The following PRELID2 variants were observed in gnomAD, a reference collection of about 807,000 sequenced individuals.
The protein encoded by PRELID2 is PRELI domain containing 2.
Under a neutral mutation model 28.4 loss-of-function variants are expected in PRELID2, and 25 were observed. That is an observed-to-expected ratio of 0.88 (90% CI 0.64 to 1.23). The LOEUF is 1.23. PRELID2 is among the 50% of genes most tolerant of loss of function. The pLI is 0.00. For synonymous variants in PRELID2, 76 were observed against 71.6 expected, an observed-to-expected ratio of 1.06 and a Z score of -0.31; for missense variants, 201 against 214.4, an observed-to-expected ratio of 0.94 and a Z score of 0.39.
chr5:145,372,281 C>T, the PRELID2 span, among the ~76,000 whole-genome samples: 1 of 152,030 alleles, frequency 6.6e-6, no homozygotes, highest in Non-Finnish European at 1.5e-5. Context: ...ATCCTGAGTT[C>T]TAATTTTATT....
the PRELID2 span, among the ~76,000 whole-genome samples, chr5:145,393,231 C>G: frequency 6.6e-6 from 1 of 152,100 alleles, no homozygotes; most frequent in African/African-American, 2.4e-5. Flanking sequence ...GAGTAAAGGC[C>G]AACACCATGA....
the PRELID2 span, among the ~76,000 whole-genome samples, chr5:145,295,507 T>C: frequency 6.6e-6 from 1 of 152,282 alleles, no homozygotes; most frequent in East Asian, 1.9e-4. Context: ...AAATTGATTG[T>C]AGATTTCATG....
the PRELID2 span, among the ~76,000 whole-genome samples, chr5:145,406,882 T>C: frequency 6.6e-6 from 1 of 152,132 alleles, no homozygotes; most frequent in South Asian, 2.1e-4. Context: ...GAGTGAAATA[T>C]AAAAGTAGAA....
At chr5:145,383,807 C>T in the PRELID2 span, among the ~76,000 whole-genome samples, 1 of 151,552 alleles carries the variant, frequency 6.6e-6, no homozygotes, top group Admixed American at 6.6e-5. Context: ...CAAAGAGGAC[C>T]ACAGATTGGC....
the PRELID2 span, among the ~76,000 whole-genome samples, chr5:145,250,269 G>T: frequency 3.6e-3 from 554 of 152,210 alleles, 3 homozygotes; most frequent in Middle Eastern, 6.8e-3. Flanking sequence ...GCAGTATTTT[G>T]CTCAAAGGAC....
chr5:145,270,551 A>G, the PRELID2 span, among the ~76,000 whole-genome samples: 2 of 152,184 alleles, frequency 1.3e-5, no homozygotes, highest in Non-Finnish European at 2.9e-5. Flanking sequence ...CTAGAATCAG[A>G]ATAACACTTT....
intron 1 of PRELID2, among the ~76,000 whole-genome samples, chr5:145,565,844 C>G (rs1230133489): frequency 2.0e-5 from 3 of 152,190 alleles, no homozygotes; most frequent in Non-Finnish European, 2.9e-5. Flanking sequence ...GCAAACATTT[C>G]TTTAAGTTTC....
chr5:145,740,592 A>T (rs1157178584), intron 1 of PRELID2, among the ~76,000 whole-genome samples: 1 of 3,046 alleles, frequency 3.3e-4, no homozygotes, highest in African/African-American at 6.7e-4. Flanking sequence ...TATATATATA[A>T]ATATATATAT....
intron 1 of PRELID2, among the ~76,000 whole-genome samples, chr5:145,491,638 T>A (rs1005519750): frequency 6.6e-6 from 1 of 152,084 alleles, no homozygotes; most frequent in Admixed American, 6.6e-5. Context: ...GTACAATAGA[T>A]CTCTTAAACA....
chr5:145,740,580 ATTATATATATAAATATATATATATT>A (rs1437401232), intron 1 of PRELID2, among the ~76,000 whole-genome samples: 6,215 of 114,188 alleles, frequency 0.054, 775 homozygotes, highest in African/African-American at 0.21. Context: ...AAATATATAT[ATTATATATATAAATATATATATATT>A]ATATATATAA....
At chr5:145,552,776 A>C (rs1264767753) in intron 1 of PRELID2, among the ~76,000 whole-genome samples, 1 of 152,204 alleles carries the variant, frequency 6.6e-6, no homozygotes, top group African/African-American at 2.4e-5. Flanking sequence ...TGACTGTATC[A>C]TACCTCTGTC....
intron 1 of PRELID2, among the ~76,000 whole-genome samples, chr5:145,621,045 G>A (rs1384049464): frequency 6.6e-6 from 1 of 152,024 alleles, no homozygotes; most frequent in African/African-American, 2.4e-5. Flanking sequence ...TATTTGATAG[G>A]AAATTGTATC....
At chr5:145,817,199 AT>A (rs1389758158) in intron 4 of PRELID2, among the ~76,000 whole-genome samples, 6,822 of 82,982 alleles carry the variant, frequency 0.082, 876 homozygotes, top group African/African-American at 0.13. Flanking sequence ...TCAAAAAAAA[AT>A]AAATAAATAA....
intron 1 of PRELID2, among the ~76,000 whole-genome samples, chr5:145,718,937 T>C (rs1440527791): frequency 6.6e-6 from 1 of 151,898 alleles, no homozygotes; most frequent in Non-Finnish European, 1.5e-5. Context: ...ACTTTATAAA[T>C]AAATAAAATA....
intron 5 of PRELID2, among the ~76,000 whole-genome samples, chr5:145,771,989 T>A (rs1051234136): frequency 1.3e-5 from 2 of 152,154 alleles, no homozygotes; most frequent in South Asian, 4.1e-4. Flanking sequence ...GCATGACACT[T>A]CTCCATGAAG....
intron 1 of PRELID2, among the ~76,000 whole-genome samples, chr5:145,518,177 A>AATAATG (rs1331113788): frequency 1.5e-4 from 20 of 137,760 alleles, no homozygotes; most frequent in Admixed American, 5.8e-4. Context: ...TAATAATAAT[A>AATAATG]ATGATGTCAT....
chr5:145,566,342 C>T (rs1386956653), intron 1 of PRELID2, among the ~76,000 whole-genome samples: 2 of 152,176 alleles, frequency 1.3e-5, no homozygotes, highest in African/African-American at 4.8e-5. Context: ...CCAACGCCAT[C>T]AAGAGTAACA....
chr5:145,705,975 C>T (rs968777004), intron 1 of PRELID2, among the ~76,000 whole-genome samples: 2 of 151,678 alleles, frequency 1.3e-5, no homozygotes, highest in African/African-American at 4.8e-5. Context: ...CACACACTCC[C>T]CACAAATTTG....
At chr5:145,724,775 G>C (rs1403590586) in intron 1 of PRELID2, among the ~76,000 whole-genome samples, 2 of 147,470 alleles carry the variant, frequency 1.4e-5, no homozygotes, top group East Asian at 2.0e-4. Flanking sequence ...ACAGGGTCTT[G>C]TTTTGTCACT....
Sources: allele counts gnomAD v4.1 joint callset (sites outside exome capture counted in the v4.1 genomes callset), GRCh38; gene constraint gnomAD v4.1.1; transcripts MANE v1.5; gene names NCBI Gene and HGNC (gene_info 2026-07-23, HGNC 2026-07-21).